The following FARS2 variants were observed in gnomAD, a reference collection of about 807,000 sequenced individuals.
FARS2 encodes phenylalanine--tRNA ligase, mitochondrial.
A neutral mutation model predicts 46.4 loss-of-function variants in FARS2; 40 were observed. The ratio of observed to expected loss-of-function variants is 0.86; its 90% CI spans 0.67 to 1.12. The LOEUF (loss-of-function observed/expected upper bound fraction) is 1.12, where lower values mean the gene tolerates loss of function less well. Ranked by LOEUF, FARS2 falls within the 50% of genes most tolerant of loss-of-function variation. The probability of loss-of-function intolerance (pLI) is 0.00; values close to 1 mark genes in which losing one functional copy is unlikely to be tolerated. For missense variants in FARS2, 513 were observed against 567.9 expected (o/e 0.90, Z 0.98); for synonymous variants, 234 against 214.9 (o/e 1.09, Z -0.78).
chr6:5,676,818 C>G (rs1035097337), intron 6 of FARS2, among the ~76,000 whole-genome samples: 2 of 152,220 alleles, frequency 1.3e-5, no homozygotes, highest in Non-Finnish European at 2.9e-5. Context: ...GATTCCCTCT[C>G]TCATTCTGGT....
chr6:5,389,880 C>G (rs918219479), intron 2 of FARS2, among the ~76,000 whole-genome samples: 1 of 151,416 alleles, frequency 6.6e-6, no homozygotes, highest in Admixed American at 6.6e-5. Flanking sequence ...TTGTTTTTTT[C>G]CTGAGAGAGG....
chr6:5,679,014 C>G (rs553619709), intron 6 of FARS2, among the ~76,000 whole-genome samples: 1 of 152,186 alleles, frequency 6.6e-6, no homozygotes, highest in South Asian at 2.1e-4. Flanking sequence ...CCCCTTGGAT[C>G]AGAAGGAATG....
chr6:5,459,020 T>C (rs1378434913), intron 4 of FARS2, among the ~76,000 whole-genome samples: 1 of 152,242 alleles, frequency 6.6e-6, no homozygotes, highest in African/African-American at 2.4e-5. Flanking sequence ...TTTGATGAAA[T>C]GGATTTGTTT....
Position 5,385,570 on chromosome 6 carries a change from C to T in FARS2, c.612+16388C>T, listed in dbSNP as rs189125132. On this transcript the variant is annotated intron_variant, in intron 2 of 6. Transcript: ENST00000274680. ...CCAAGGAGCTGGGACTACAGGCATG[C>T]ACTACCATGCCCAGCTAATTTTTTT... Among the ~76,000 whole-genome samples the T allele has an allele frequency of 4.3e-4, 66 of 152,054 alleles. 2 individuals carry two copies. In the East Asian group the frequency reaches 9.5e-3, roughly 22 times the overall value.
At chr6:5,380,507 G>A (rs1293060448) in intron 2 of FARS2, among the ~76,000 whole-genome samples, 1 of 152,214 alleles carries the variant, frequency 6.6e-6, no homozygotes, top group African/African-American at 2.4e-5. Flanking sequence ...AATGCTACTT[G>A]TAGGGATGGA....
At chr6:5,398,019 A>C (rs2250354) in intron 2 of FARS2, among the ~76,000 whole-genome samples, 58,907 of 151,986 alleles carry the variant, frequency 0.39, 12,927 homozygotes, top group African/African-American at 0.6. Flanking sequence ...GCCCTTAGTG[A>C]GTTCTATCAT....
intron 4 of FARS2, among the ~76,000 whole-genome samples, chr6:5,510,174 G>T (rs1768351547): frequency 6.6e-6 from 1 of 152,062 alleles, no homozygotes; most frequent in South Asian, 2.1e-4. Flanking sequence ...TTTAAACAAA[G>T]ATTTTGCCTC....
chr6:5,277,465 C>T (rs1766415322), intron 1 of FARS2, among the ~76,000 whole-genome samples: 1 of 151,960 alleles, frequency 6.6e-6, no homozygotes, highest in Admixed American at 6.6e-5. Flanking sequence ...TCCAATAATA[C>T]ACATTTTTTT....
chr6:5,394,217 C>T (rs926817813), intron 2 of FARS2, among the ~76,000 whole-genome samples: 1 of 152,188 alleles, frequency 6.6e-6, no homozygotes, highest in Non-Finnish European at 1.5e-5. Flanking sequence ...AGTATATATG[C>T]TGCTGAGGTG....
intron 2 of FARS2, among the ~76,000 whole-genome samples, chr6:5,387,712 C>T (rs943859522): frequency 6.6e-6 from 1 of 152,118 alleles, no homozygotes; most frequent in Non-Finnish European, 1.5e-5. Flanking sequence ...GGTCTCTGCT[C>T]CAGAGGTCGT....
chr6:5,313,868 A>G (rs1769262313), intron 1 of FARS2, among the ~76,000 whole-genome samples: 1 of 150,778 alleles, frequency 6.6e-6, no homozygotes, highest in South Asian at 2.1e-4. Context: ...ATAAAATAAA[A>G]TAAAATAAAT....
intron 4 of FARS2, among the ~76,000 whole-genome samples, chr6:5,508,280 T>C (rs1372744231): frequency 6.6e-6 from 1 of 152,258 alleles, no homozygotes; most frequent in Non-Finnish European, 1.5e-5. Flanking sequence ...TAGTATAGTT[T>C]TGGATGCCAC....
At chr6:5,703,914 C>T (rs779154731) in intron 6 of FARS2, among the ~76,000 whole-genome samples, 1 of 152,140 alleles carries the variant, frequency 6.6e-6, no homozygotes, top group Non-Finnish European at 1.5e-5. Flanking sequence ...CGGCTTGTGC[C>T]TCCTAAACTG....
At chr6:5,719,436 A>AAGAG (rs1554129031) in intron 6 of FARS2, among the ~76,000 whole-genome samples, 8 of 25,258 alleles carry the variant, frequency 3.2e-4, no homozygotes, top group South Asian at 2.6e-3. Flanking sequence ...AAAGAAAGGA[A>AAGAG]AGAAAGAGAG....
chr6:5,396,729 G>T (rs1261343428), intron 2 of FARS2, among the ~76,000 whole-genome samples: 1 of 152,216 alleles, frequency 6.6e-6, no homozygotes, highest in East Asian at 1.9e-4. Context: ...GTGTGGAGGT[G>T]CTACAGCTGC....
intron 2 of FARS2, among the ~76,000 whole-genome samples, chr6:5,374,196 A>G (rs1759236324): frequency 6.6e-6 from 1 of 152,166 alleles, no homozygotes; most frequent in African/African-American, 2.4e-5. Flanking sequence ...TGTTGGATGC[A>G]GAGAAATCAT....
At chr6:5,481,076 A>G (rs1766426280) in intron 4 of FARS2, among the ~76,000 whole-genome samples, 1 of 152,234 alleles carries the variant, frequency 6.6e-6, no homozygotes, top group South Asian at 2.1e-4. Flanking sequence ...AGGAAAAGGC[A>G]GTGAGTCCTT....
chr6:5,581,984 T>C (rs796378029), intron 5 of FARS2, among the ~76,000 whole-genome samples: 1 of 97,460 alleles, frequency 1.0e-5, no homozygotes, highest in African/African-American at 4.0e-5. Context: ...CACAGTAAGA[T>C]ACTTCCGGTT....
intron 4 of FARS2, among the ~76,000 whole-genome samples, chr6:5,459,544 T>C (rs1276017144): frequency 6.6e-6 from 1 of 152,192 alleles, no homozygotes; most frequent in Non-Finnish European, 1.5e-5. Context: ...GGTTGCCTGC[T>C]GCCCATGTCG....
Sources: allele counts gnomAD v4.1 joint callset (sites outside exome capture counted in the v4.1 genomes callset), GRCh38; gene constraint gnomAD v4.1.1; transcripts MANE v1.5; gene names NCBI Gene and HGNC (gene_info 2026-07-23, HGNC 2026-07-21).